The following DPP6 variants were observed in gnomAD, a reference collection of about 807,000 sequenced individuals.
DPP6 encodes the protein A-type potassium channel modulatory protein DPP6.
In DPP6, 69 loss-of-function variants were observed where a neutral mutation model predicts 122.6. That is an observed-to-expected ratio of 0.56 (90% CI 0.46 to 0.69). The LOEUF is 0.69. Among genes scored for constraint, DPP6 ranks in the 30% least tolerant of loss-of-function variants. The pLI, the probability that DPP6 is intolerant of heterozygous loss-of-function variation, is 0.00. For missense variants in DPP6, 928 were observed against 1,116.9 expected (o/e 0.83, Z 2.41); for synonymous variants, 418 against 433.1 (o/e 0.97, Z 0.43).
intron 1 of DPP6, among the ~76,000 whole-genome samples, chr7:154,046,230 T>C (rs1233684951): frequency 6.6e-6 from 1 of 152,166 alleles, no homozygotes; most frequent in East Asian, 1.9e-4. Context: ...GACATGTTTT[T>C]GTATGGTGGA....
In DPP6 at chr7:154,230,442, A is replaced by T. The variant is rs1460794367; in HGVS notation, c.243+177379A>T. 3.3e-5 allele frequency among the ~76,000 whole-genome samples: 5 copies of T among 152,286 alleles called. No individual in the cohort carries two copies. The South Asian group carries it at 8.3e-4, about 25-fold the overall frequency. ...TGACTTCTTCATCTTTAAGGGACTG[A>T]TGCAGCTTCATTTCCACGTGGGTCT... On this transcript the variant is annotated intron_variant, in intron 1 of 25. Transcript: ENST00000377770.
chr7:153,950,440 G>A (rs1563040359), intron 1 of DPP6, among the ~76,000 whole-genome samples: 1 of 152,204 alleles, frequency 6.6e-6, no homozygotes, highest in Non-Finnish European at 1.5e-5. Flanking sequence ...TGTAGGTGAT[G>A]AGGAGGTATG....
chr7:154,343,059 G>A (rs1432126847), intron 1 of DPP6, among the ~76,000 whole-genome samples: 3 of 152,206 alleles, frequency 2.0e-5, no homozygotes, highest in African/African-American at 7.2e-5. Flanking sequence ...TGCTGAAAAT[G>A]ACTTGACCGT....
intron 1 of DPP6, among the ~76,000 whole-genome samples, chr7:154,286,856 A>G (rs1054816258): frequency 2.0e-4 from 30 of 151,458 alleles, no homozygotes; most frequent in Non-Finnish European, 2.9e-5. Context: ...CCCAGGCTGA[A>G]GTGCAGTGGA....
At chr7:154,563,347 C>T (rs1297817104) in intron 4 of DPP6, among the ~76,000 whole-genome samples, 2 of 152,156 alleles carry the variant, frequency 1.3e-5, no homozygotes, top group African/African-American at 4.8e-5. Flanking sequence ...GAACTAGGTC[C>T]AGCAGGGCTG....
the DPP6 span, among the ~76,000 whole-genome samples, chr7:153,838,933 C>A: frequency 6.6e-6 from 1 of 152,136 alleles, no homozygotes; most frequent in East Asian, 1.9e-4. Context: ...ATTCAGTACC[C>A]AACACCAGTG....
chr7:153,974,869 A>G, intron 1 of DPP6, among the ~76,000 whole-genome samples: 1 of 152,158 alleles, frequency 6.6e-6, no homozygotes, highest in Non-Finnish European at 1.5e-5. Context: ...GCAAACCAGA[A>G]CCAAGCCTGC....
At chr7:154,325,982 G>A (rs1420811347) in intron 1 of DPP6, among the ~76,000 whole-genome samples, 2 of 152,104 alleles carry the variant, frequency 1.3e-5, no homozygotes, top group African/African-American at 4.8e-5. Context: ...CAAAAAAAAG[G>A]ATTTCAAGTT....
intron 1 of DPP6, among the ~76,000 whole-genome samples, chr7:154,122,791 C>G (rs1462350973): frequency 6.6e-6 from 1 of 152,236 alleles, no homozygotes; most frequent in Non-Finnish European, 1.5e-5. Flanking sequence ...ACCCCTCCCT[C>G]GAATTATCAG....
intron 10 of DPP6, among the ~76,000 whole-genome samples, chr7:154,789,271 T>C (rs1797529239): frequency 6.6e-6 from 1 of 152,272 alleles, no homozygotes; most frequent in East Asian, 1.9e-4. Flanking sequence ...AATTTTTCTT[T>C]GACATTCTAT....
intron 3 of DPP6, 112 bp downstream of exon 3, chr7:154,475,149 G>T (rs754541706): frequency 1.3e-6 from 1 of 793,534 alleles, no homozygotes; most frequent in East Asian, 2.6e-5. Flanking sequence ...GGCCACAGAA[G>T]GGGATCTACA....
the DPP6 span, among the ~76,000 whole-genome samples, chr7:153,784,741 G>C: frequency 6.6e-6 from 1 of 152,254 alleles, no homozygotes; most frequent in Non-Finnish European, 1.5e-5. Flanking sequence ...CCCAAAAAAA[G>C]ACTGGTGGGT....
At chr7:154,433,620 T>C (rs1007694957) in intron 1 of DPP6, among the ~76,000 whole-genome samples, 3 of 152,174 alleles carry the variant, frequency 2.0e-5, no homozygotes, top group African/African-American at 7.2e-5. Flanking sequence ...GTACCATCAT[T>C]TTGAGAAATA....
intron 1 of DPP6, among the ~76,000 whole-genome samples, chr7:154,303,661 G>T (rs1806061937): frequency 6.6e-6 from 1 of 152,094 alleles, no homozygotes; most frequent in Non-Finnish European, 1.5e-5. Flanking sequence ...TGCAACCAAG[G>T]CCAAGCACAC....
chr7:154,832,255 C>T (rs1016923105), intron 16 of DPP6, among the ~76,000 whole-genome samples: 3 of 152,192 alleles, frequency 2.0e-5, no homozygotes, highest in African/African-American at 4.8e-5. Context: ...CTCAGGAGGA[C>T]TGTCCTTCAC....
chr7:154,727,829 G>A lies in DPP6; in HGVS notation c.825G>A (p.Val275=), dbSNP rs1462622638. 3 of 1,613,900 alleles carry A rather than the reference G, an allele frequency of 1.9e-6. No individual in the cohort carries two copies. Among genetic ancestry groups the A allele is most frequent in the Non-Finnish European group, 2.5e-6 (3 of 1,179,848 alleles). ...ATGTCGGGAAACAGGCCATCCGTGT[G>A]GTCTCCACTGGCAAGGAAGGTGTGA... is the stretch of plus-strand genomic sequence containing the variant. ...CAHVGKQAIR[V]VSTGKEGVIY... The change falls in exon 8 of 26, where the codon GTG becomes GTA. Residue 275 remains valine (V), a synonymous_variant. Coordinates refer to ENST00000377770, the MANE Select transcript of DPP6 (RefSeq NM_130797.4).
chr7:153,759,824 A>G, the DPP6 span, among the ~76,000 whole-genome samples: 3 of 152,186 alleles, frequency 2.0e-5, no homozygotes, highest in Admixed American at 1.3e-4. Flanking sequence ...TTAAGTATCT[A>G]TGAGTTTATC....
chr7:153,812,227 G>A, the DPP6 span, among the ~76,000 whole-genome samples: 25 of 152,272 alleles, frequency 1.6e-4, 1 homozygote, highest in South Asian at 4.4e-3. Context: ...TTTCCAGCCA[G>A]GTCGATTCTT....
chr7:153,797,998 T>G, the DPP6 span, among the ~76,000 whole-genome samples: 1 of 152,210 alleles, frequency 6.6e-6, no homozygotes, highest in African/African-American at 2.4e-5. Flanking sequence ...CCCGTCACCA[T>G]GCCCAGCTAA....
Sources: allele counts gnomAD v4.1 joint callset (sites outside exome capture counted in the v4.1 genomes callset), GRCh38; gene constraint gnomAD v4.1.1; transcripts MANE v1.5; gene names NCBI Gene and HGNC (gene_info 2026-07-23, HGNC 2026-07-21).